KMT2C: variants seen among roughly 807,000 people sequenced by gnomAD.
KMT2C encodes lysine methyltransferase 2C, also known as histone-lysine N-methyltransferase 2C.
KMT2C carries 88 observed loss-of-function variants against 507.9 expected under a neutral mutation model. The ratio of observed to expected loss-of-function variants is 0.17; its 90% CI spans 0.15 to 0.21. The LOEUF is 0.21. Among genes scored for constraint, KMT2C ranks in the 10% least tolerant of loss-of-function variants. The pLI is 1.00. For synonymous variants in KMT2C, 2,049 were observed against 2,080.8 expected, an observed-to-expected ratio of 0.98 and a Z score of 0.42; for missense variants, 4,954 against 5,957.8, an observed-to-expected ratio of 0.83 and a Z score of 5.55.
chr7:152,236,824 C>T (rs2095284165), intron 15 of KMT2C, among the ~76,000 whole-genome samples: 1 of 152,122 alleles, frequency 6.6e-6, no homozygotes, highest in African/African-American at 2.4e-5. Context: ...CCCAAAGTGC[C>T]AGGATTACAG....
chr7:152,390,928 CG>C (rs1247782396), intron 1 of KMT2C, among the ~76,000 whole-genome samples: 1 of 151,608 alleles, frequency 6.6e-6, no homozygotes, highest in Non-Finnish European at 1.5e-5. Context: ...AGATGGATCA[CG>C]AGGTCAGGAG....
rs1005453234 is a variant in KMT2C at position 152,340,532 on chromosome 7, C to A, written c.251-9793G>T. Among the ~76,000 whole-genome samples the A allele has an allele frequency of 2.6e-5, 4 of 151,978 alleles. No individual in the cohort carries two copies. The East Asian group carries it at 7.7e-4, about 29-fold the overall frequency. On this transcript the variant is annotated intron_variant, in intron 2 of 58. Transcript: ENST00000262189. ...GTACTGTAAAGCTAAAACATTAGCACTATATTAGAAAAAGCAAATTATTTA... is the reference window on the plus strand; with the variant it reads ...GTACTGTAAAGCTAAAACATTAGCAATATATTAGAAAAAGCAAATTATTTA...
intron 1 of KMT2C, among the ~76,000 whole-genome samples, chr7:152,423,455 G>A (rs1218221508): frequency 6.6e-6 from 1 of 152,238 alleles, no homozygotes; most frequent in African/African-American, 2.4e-5. Context: ...TTCTTCAAAG[G>A]AGGAGGCTGT....
chr7:152,414,277 C>T (rs79896645), intron 1 of KMT2C, among the ~76,000 whole-genome samples: 1 of 148,910 alleles, frequency 6.7e-6, no homozygotes, highest in African/African-American at 2.5e-5. Context: ...ACCTGTAATC[C>T]CAGCATTTTG....
Position 152,330,172 on chromosome 7 carries a change from G to A in KMT2C, c.389+429C>T, listed in dbSNP as rs77706318. ...AAAGGGAGGGGGGGAGGGGTGGTGG[G>A]GGGGGGGAGAAAAAGAAAGAAAAAA... On this transcript the variant is annotated intron_variant, in intron 3 of 58. Transcript: ENST00000262189. Among the ~76,000 whole-genome samples the A allele has an allele frequency of 3.3e-4, 44 of 135,382 alleles. 2 individuals carry two copies. The East Asian group carries it at 0.011, about 35-fold the overall frequency. The allele number at this position is 135,382 out of a possible 152,430, so 88.8% of individuals were successfully genotyped here. A position where few individuals can be genotyped will look rare whatever the true frequency, so the allele number is the denominator to read the frequency against.
intron 3 of KMT2C, among the ~76,000 whole-genome samples, chr7:152,327,942 A>T (rs779624027): frequency 3.5e-5 from 5 of 144,848 alleles, no homozygotes; most frequent in South Asian, 4.3e-4. Flanking sequence ...TGGGCAACAG[A>T]GCGAGACTCC....
chr7:152,189,615 T>C (rs926341877), intron 31 of KMT2C, among the ~76,000 whole-genome samples: 2 of 152,152 alleles, frequency 1.3e-5, no homozygotes, highest in African/African-American at 4.8e-5. Flanking sequence ...ATAGCTCCAG[T>C]ATGTATGTGC....
Position 152,195,918 on chromosome 7 carries a change from A to G in KMT2C, c.4367T>C (p.Val1456Ala). Reference protein sequence around the residue: ...GIISDDLAKSVDHSDIGPVTD... With the variant: ...GIISDDLAKSADHSDIGPVTD... ...GTATTCATATATACCTGAATGATCA[A>G]CTGATTTTGCTAGATCATCTGAAAT... The change falls in exon 28 of 59, where the codon GTT becomes GCT. Residue 1456 changes from valine to alanine, a missense_variant. Transcript: ENST00000262189. 1 of 1,586,188 alleles carries G rather than the reference A, an allele frequency of 6.3e-7. No homozygotes were observed. Among genetic ancestry groups the G allele is most frequent in the Non-Finnish European group, 8.6e-7 (1 of 1,156,804 alleles).
chr7:152,137,707 T>C (rs1036690322), intron 58 of KMT2C: 1 of 152,240 alleles, frequency 6.6e-6, no homozygotes, highest in Admixed American at 6.5e-5. Flanking sequence ...GAAGTCATTT[T>C]CTCTATCTTG....
rs750098046 is a variant in KMT2C at position 152,148,818 on chromosome 7, G to T, written c.13109C>A (p.Thr4370Lys). ...WSIHIVIPKG[T>K]FKPPCEDEID... is the part of the protein sequence containing the mutation. ...TTCATCCTCACAAGGTGGTTTAAAT[G>T]TCCCCTTAGGGATTACAATATGAAT... Residue 4370 changes from threonine to lysine, a missense_variant, in exon 52 of 59, where the codon ACA becomes AAA. By Grantham distance (78) the Thr-to-Lys change is moderately conservative. Coordinates refer to ENST00000262189, the MANE Select transcript of KMT2C (RefSeq NM_170606.3). The surrounding 1 kb of genome is among the most constrained non-coding windows in gnomAD (Gnocchi z 7.1). The T allele has an allele frequency of 6.2e-7, 1 of 1,614,168 alleles. No individual in the cohort carries two copies. Among genetic ancestry groups the T allele is most frequent in the South Asian group, 1.1e-5 (1 of 91,092 alleles).
rs201223677 is a variant in KMT2C, at chr7:152,136,556, CAAAA to C, written c.*272_*275del. 1 of 312,948 alleles carries C rather than the reference CAAAA, an allele frequency of 3.2e-6. No individual in the cohort carries two copies. Among genetic ancestry groups the C allele is most frequent in the African/African-American group, 2.3e-5 (1 of 43,720 alleles). 19.4% of individuals were successfully genotyped at this position (312,948 alleles called of 1,614,324 possible). On this transcript the variant is annotated 3_prime_UTR_variant, in exon 59 of 59. Coordinates refer to ENST00000262189, the MANE Select transcript of KMT2C (RefSeq NM_170606.3). ...AGGGAAAAACAAAACAAAAAACAAA[CAAAA>C]AAAAAAGAAAAGGAAAAGAAAAAAA...
At chr7:152,270,258 TAGGGTAAAAGAAAAGCAAC>T (rs2095937735) in intron 7 of KMT2C, among the ~76,000 whole-genome samples, 1 of 152,028 alleles carries the variant, frequency 6.6e-6, no homozygotes, top group Non-Finnish European at 1.5e-5. Context: ...TGACAGAATT[TAGGGTAAAAGAAAAGCAAC>T]AGGACTTAAT....
At chr7:152,218,898 A>T (rs1185859126) in intron 23 of KMT2C, among the ~76,000 whole-genome samples, 1 of 151,154 alleles carries the variant, frequency 6.6e-6, no homozygotes, top group Non-Finnish European at 1.5e-5. Flanking sequence ...TCACTCACTC[A>T]CCTCTTTAAA....
intron 7 of KMT2C, among the ~76,000 whole-genome samples, chr7:152,270,827 G>A (rs891376987): frequency 1.3e-5 from 2 of 152,086 alleles, no homozygotes; most frequent in African/African-American, 4.8e-5. Flanking sequence ...CTATGACAGA[G>A]CACCCTAAAA....
rs1402815798 is a variant in KMT2C at position 152,144,408 on chromosome 7, C to T, written c.14343+305G>A. Among the ~76,000 whole-genome samples the T allele has an allele frequency of 6.6e-6, 1 of 152,204 alleles. No individual in the cohort carries two copies. Among genetic ancestry groups the T allele is most frequent in the Non-Finnish European group, 1.5e-5 (1 of 68,040 alleles). ...CTCTCAAGTGCTTGAAACAGCTCTACTGAGCACTCCACAAATCCAGTGTGT... is the reference window on the plus strand; with the variant it reads ...CTCTCAAGTGCTTGAAACAGCTCTATTGAGCACTCCACAAATCCAGTGTGT... On this transcript the variant is annotated intron_variant, in intron 55 of 58. Transcript: ENST00000262189. This position sits in a 1 kb window ranked among gnomAD's most constrained non-coding sequence, Gnocchi z 4.4.
intron 44 of KMT2C, among the ~76,000 whole-genome samples, chr7:152,157,281 T>C (rs1220703482): frequency 6.7e-6 from 1 of 149,790 alleles, no homozygotes; most frequent in Non-Finnish European, 1.5e-5. Flanking sequence ...GGAGCTGAGA[T>C]TGCACCACTG....
At chr7:152,272,085 T>A (rs1463021562) in intron 7 of KMT2C, among the ~76,000 whole-genome samples, 1 of 152,168 alleles carries the variant, frequency 6.6e-6, no homozygotes, top group Non-Finnish European at 1.5e-5. Context: ...CTATTGCTCA[T>A]GTATTTTTAT....
At chr7:152,237,418 C>G (rs2095298363) in intron 15 of KMT2C, among the ~76,000 whole-genome samples, 1 of 152,178 alleles carries the variant, frequency 6.6e-6, no homozygotes, top group African/African-American at 2.4e-5. Flanking sequence ...ACCCTGCTCT[C>G]CTTGAGATCC....
intron 6 of KMT2C, among the ~76,000 whole-genome samples, chr7:152,274,648 G>A (rs1179284224): frequency 6.6e-6 from 1 of 152,078 alleles, no homozygotes; most frequent in Non-Finnish European, 1.5e-5. Context: ...ATTCTCCCAA[G>A]TCCACTTTGA....
Sources: gnomAD v4.1 joint callset for allele counts (sites outside exome capture counted in the v4.1 genomes callset) on GRCh38, gnomAD v4.1.1 for gene constraint, Gnocchi (gnomAD v3.1) non-coding constraint, MANE v1.5 for transcripts, NCBI Gene and HGNC (gene_info 2026-07-23, HGNC 2026-07-21) for gene names.